The following UBE4B variants were observed in gnomAD, a reference collection of about 807,000 sequenced individuals.
UBE4B encodes ubiquitin conjugation factor E4 B.
A neutral mutation model predicts 148.1 loss-of-function variants in UBE4B; 27 were observed. The ratio of observed to expected loss-of-function variants is 0.18; its 90% CI spans 0.13 to 0.25. UBE4B has a LOEUF of 0.25. Among genes scored for constraint, UBE4B ranks in the 10% least tolerant of loss-of-function variants. UBE4B has a pLI of 1.00. For synonymous variants in UBE4B, 596 were observed against 619.3 expected (o/e 0.96, Z 0.56); for missense variants, 1,170 against 1,662.4 (o/e 0.70, Z 5.15).
intron 3 of UBE4B, among the ~76,000 whole-genome samples, chr1:10,097,659 A>G (rs1644950323): frequency 1.3e-5 from 2 of 151,926 alleles, no homozygotes; most frequent in Non-Finnish European, 2.9e-5. Context: ...AAAATACAAA[A>G]ATTAGCGGGG....
At chr1:10,101,277 G>C in intron 4 of UBE4B, 82 bp downstream of exon 4, 1 of 1,372,542 alleles carries the variant, frequency 7.3e-7, no homozygotes, top group Non-Finnish European at 1.0e-6. Flanking sequence ...CTGTTAGATT[G>C]GGGCCACCCG....
At chr1:10,081,909 C>G (rs1644688713) in intron 2 of UBE4B, among the ~76,000 whole-genome samples, 1 of 152,154 alleles carries the variant, frequency 6.6e-6, no homozygotes, top group African/African-American at 2.4e-5. Flanking sequence ...CAGACAAGTT[C>G]TCACTATGTT....
intron 1 of UBE4B, among the ~76,000 whole-genome samples, chr1:10,056,411 C>A (rs1018614272): frequency 6.6e-6 from 1 of 152,158 alleles, no homozygotes; most frequent in African/African-American, 2.4e-5. Flanking sequence ...AAACACTTTT[C>A]ATTTGTTCAG....
At chr1:10,061,449 G>C (rs572192134) in intron 1 of UBE4B, among the ~76,000 whole-genome samples, 2 of 152,088 alleles carry the variant, frequency 1.3e-5, no homozygotes, top group Admixed American at 6.6e-5. Context: ...TAGAGACGGG[G>C]TTTCACCATC....
chr1:10,171,540 T>C (rs1015937249), intron 25 of UBE4B, among the ~76,000 whole-genome samples: 1 of 152,218 alleles, frequency 6.6e-6, no homozygotes, highest in Non-Finnish European at 1.5e-5. Flanking sequence ...GAGGCCAGAC[T>C]GCAGTGAGCC....
chr1:10,064,412 A>G (rs911570506), intron 1 of UBE4B, among the ~76,000 whole-genome samples: 2 of 152,260 alleles, frequency 1.3e-5, no homozygotes, highest in African/African-American at 2.4e-5. Context: ...TAGTATTTCT[A>G]TGCATACGTG....
intron 17 of UBE4B, among the ~76,000 whole-genome samples, chr1:10,142,224 A>G (rs891326226): frequency 6.6e-6 from 1 of 152,168 alleles, no homozygotes; most frequent in African/African-American, 2.4e-5. Flanking sequence ...AACTGATCCC[A>G]GAGCCCCATT....
rs142704128 is a variant in UBE4B at position 10,130,512 on chromosome 1, C to T, written c.1708C>T (p.Arg570Trp). 20 of 1,613,962 alleles carry T rather than the reference C, an allele frequency of 1.2e-5. No homozygotes were observed. The Admixed American group carries it at 2.5e-4, about 20-fold the overall frequency. ...HPVCNLVASL[R>W]LWLPKSLSPG... is the part of the protein sequence containing the mutation. ...ATCTTCTGCCTAGGTTGCTTCTTTG[C>T]GGTTGTGGTTGCCGAAATCCTTAAG... The change falls in exon 13 of 28, where the codon CGG becomes TGG. Residue 570 changes from arginine (R) to tryptophan (W), a missense_variant. Transcript: ENST00000343090.
intron 1 of UBE4B, among the ~76,000 whole-genome samples, chr1:10,052,937 C>T (rs551739094): frequency 1.2e-3 from 187 of 152,276 alleles, no homozygotes; most frequent in Non-Finnish European, 2.2e-3. Context: ...CCTGTTTTCT[C>T]ACTGTGTCCT....
Position 10,106,682 on chromosome 1 carries a change from AT to A in UBE4B, c.1196+101del. The A allele has an allele frequency of 7.0e-7, 1 of 1,426,582 alleles. No individual in the cohort carries two copies. The highest frequency in any genetic ancestry group is 9.2e-7 in the Non-Finnish European group (1 of 1,090,102). The allele number at this position is 1,426,582 out of a possible 1,614,324, so 88.4% of individuals were successfully genotyped here. A position where few individuals can be genotyped will look rare whatever the true frequency, so the allele number is the denominator to read the frequency against. ...TGCTGTGTGACACTGACTCTGTTAA[AT>A]TGTTGTTTTGGGTTATTAACCTGTG... On this transcript the variant is annotated intron_variant, in intron 7 of 27. Coordinates refer to ENST00000343090, the MANE Select transcript of UBE4B (RefSeq NM_001105562.3). The surrounding 1 kb of genome is among the most constrained non-coding windows in gnomAD (Gnocchi z 4.2).
At chr1:10,080,890 G>C (rs142671692) in intron 2 of UBE4B, among the ~76,000 whole-genome samples, 1 of 152,130 alleles carries the variant, frequency 6.6e-6, no homozygotes, top group African/African-American at 2.4e-5. Context: ...GTAGATGGTG[G>C]TTACCAGAGG....
intron 19 of UBE4B, among the ~76,000 whole-genome samples, chr1:10,147,424 C>T (rs143661736): frequency 0.017 from 2,628 of 152,082 alleles, 35 homozygotes; most frequent in Non-Finnish European, 0.027. Context: ...ACCCGGGAGG[C>T]GGAGGTTGCA....
At chr1:10,104,970 G>A (rs1256420454) in intron 5 of UBE4B, among the ~76,000 whole-genome samples, 1 of 152,174 alleles carries the variant, frequency 6.6e-6, no homozygotes, top group Non-Finnish European at 1.5e-5. Flanking sequence ...AGAATAAGAA[G>A]GAAGCTAGAA....
At chr1:10,174,121 C>T (rs780609285) in intron 25 of UBE4B, among the ~76,000 whole-genome samples, 95 of 152,122 alleles carry the variant, frequency 6.2e-4, no homozygotes, top group Admixed American at 2.9e-3. Context: ...TGGGGCTGGG[C>T]GCAGTGGCTG....
chr1:10,036,082 CTT>C lies in UBE4B; in HGVS notation c.24+2404_24+2405del, dbSNP rs112866835. ...AGTAGTCCTTTACTCCTATAAATTACTTTTTTTTTTTTTTTTTGATGATCTGT... is the reference window on the plus strand; with the variant it reads ...AGTAGTCCTTTACTCCTATAAATTACTTTTTTTTTTTTTTTGATGATCTGT... On this transcript the variant is annotated intron_variant, in intron 1 of 27. Transcript: ENST00000343090. Among the ~76,000 whole-genome samples, 1,306 of 136,360 alleles carry C rather than the reference CTT, an allele frequency of 9.6e-3. 22 individuals carry two copies. The highest frequency in any genetic ancestry group is 0.073 in the South Asian group (318 of 4,360). The allele number at this position is 136,360 out of a possible 152,430, so 89.5% of individuals were successfully genotyped here.
intron 21 of UBE4B, among the ~76,000 whole-genome samples, chr1:10,157,477 C>T (rs1443833969): frequency 3.3e-5 from 5 of 150,908 alleles, no homozygotes; most frequent in Admixed American, 6.6e-5. Flanking sequence ...GACCCTGTCT[C>T]CAAAAAAATA....
In UBE4B at chr1:10,106,760, T is replaced by A. The variant is rs1427157891; in HGVS notation, c.1196+177T>A. ...CTCTGAGTCCATGCTTCTGCCAGGC[T>A]CTAATCATGCTGGAAAGTTTGGGTT... On this transcript the variant is annotated intron_variant, in intron 7 of 27. Coordinates refer to ENST00000343090, the MANE Select transcript of UBE4B (RefSeq NM_001105562.3). The surrounding 1 kb of genome is among the most constrained non-coding windows in gnomAD (Gnocchi z 4.2). Among the ~76,000 whole-genome samples, 2 of 152,214 alleles carry A rather than the reference T, an allele frequency of 1.3e-5. No homozygotes were observed. The highest frequency in any genetic ancestry group is 1.3e-4 in the Admixed American group (2 of 15,274).
intron 25 of UBE4B, among the ~76,000 whole-genome samples, chr1:10,171,951 C>G (rs1646345653): frequency 6.6e-6 from 1 of 152,146 alleles, no homozygotes; most frequent in South Asian, 2.1e-4. Context: ...TCTGAGCCCT[C>G]TCCAGTTGAG....
At chr1:10,152,964 C>T (rs1006244427) in intron 21 of UBE4B, among the ~76,000 whole-genome samples, 20 of 149,868 alleles carry the variant, frequency 1.3e-4, no homozygotes, top group African/African-American at 4.7e-4. Context: ...GTGGAAGGCC[C>T]TTGGCCAGTA....
Sources: allele counts gnomAD v4.1 joint callset (sites outside exome capture counted in the v4.1 genomes callset), GRCh38; gene constraint gnomAD v4.1.1; non-coding constraint Gnocchi (gnomAD v3.1); transcripts MANE v1.5; gene names NCBI Gene and HGNC (gene_info 2026-07-23, HGNC 2026-07-21).